Variants in CAPN6 observed in about 807,000 individuals in gnomAD.
CAPN6 encodes the protein calpain 6, also known as calpain-6.
CAPN6 carries 16 observed loss-of-function variants against 46.0 expected under a neutral mutation model. The ratio of observed to expected loss-of-function variants is 0.35; its 90% confidence interval spans 0.24 to 0.53. The LOEUF is 0.53. CAPN6 is among the 20% of genes least tolerant of loss of function. The pLI is 0.94. For synonymous variants in CAPN6, 206 were observed against 172.8 expected (o/e 1.19, Z -1.51); for missense variants, 461 against 498.0 (o/e 0.93, Z 0.71).
chrX:111,263,522 G>A (rs1034622940), intron 2 of CAPN6, among the ~76,000 whole-genome samples: 4 of 111,425 alleles, frequency 3.6e-5, no homozygotes, highest in Non-Finnish European at 5.7e-5. Context: ...TGATGAATAC[G>A]TTAATTTACC....
chrX:111,264,235 A>C (rs774111324), intron 1 of CAPN6, among the ~76,000 whole-genome samples: 4 of 112,156 alleles, frequency 3.6e-5, no homozygotes, highest in African/African-American at 1.3e-4. Flanking sequence ...GGAAAAATCA[A>C]TAATAAAAGT....
intron 5 of CAPN6, 47 bp from the exon 6 acceptor site, chrX:111,251,789 A>G (rs868706448): frequency 1.3e-4 from 136 of 1,017,815 alleles, no homozygotes; most frequent in Non-Finnish European, 1.8e-4. Flanking sequence ...TGGGAGACCC[A>G]ATCCTGACTC....
At chrX:111,257,446 G>T (rs895025829) in intron 2 of CAPN6, among the ~76,000 whole-genome samples, 1 of 112,004 alleles carries the variant, frequency 8.9e-6, no homozygotes, top group Non-Finnish European at 1.9e-5. Flanking sequence ...TATGAAATAC[G>T]GGAAATAAAT....
chrX:111,248,979 T>G lies in CAPN6; in HGVS notation c.1237A>C (p.Met413Leu), dbSNP rs763257826. The stretch of plus-strand genomic sequence containing the variant: ...ATGATGTAATTGTCAGGTCTTCCCA[T>G]TCGGCGGTAAGTGCGCAGGTCCTTC... ...QQKDLRTYRRMGRPDNYIIGF... is the reference protein window; with the variant it reads ...QQKDLRTYRRLGRPDNYIIGF... The change falls in exon 9 of 13, where the codon ATG becomes CTG. Residue 413 changes from methionine to leucine, a missense_variant. Transcript: ENST00000324068. 11 of 1,209,823 alleles carry G rather than the reference T, an allele frequency of 9.1e-6. No homozygotes were observed. In the East Asian group the frequency reaches 3.3e-4, roughly 36 times the overall value.
At chrX:111,265,612 C>G (rs960477112) in intron 1 of CAPN6, among the ~76,000 whole-genome samples, 1 of 112,139 alleles carries the variant, frequency 8.9e-6, no homozygotes, top group African/African-American at 3.2e-5. Flanking sequence ...TTTCTGGAGG[C>G]TGTTACAAAT....
At chrX:111,263,201 C>T (rs1342776284) in intron 2 of CAPN6, among the ~76,000 whole-genome samples, 1 of 111,755 alleles carries the variant, frequency 8.9e-6, no homozygotes, top group Non-Finnish European at 1.9e-5. Flanking sequence ...TTATGTGTAA[C>T]AGTAAAAAAT....
chrX:111,267,900 A>G (rs1053534749), intron 1 of CAPN6, among the ~76,000 whole-genome samples: 9 of 112,271 alleles, frequency 8.0e-5, no homozygotes, highest in African/African-American at 2.6e-4. Flanking sequence ...TTTACCCACA[A>G]TCCACATCCC....
chrX:111,261,018 T>C (rs891501424), intron 2 of CAPN6, among the ~76,000 whole-genome samples: 6 of 112,601 alleles, frequency 5.3e-5, no homozygotes, highest in East Asian at 2.8e-4. Flanking sequence ...TTGGGCTTAA[T>C]AAGATTAAGC....
chrX:111,255,000 A>G (rs986463803), intron 2 of CAPN6, among the ~76,000 whole-genome samples: 6 of 111,642 alleles, frequency 5.4e-5, no homozygotes, highest in South Asian at 3.9e-4. Context: ...AGCAGCATTA[A>G]TAGCAAGTGG....
chrX:111,253,833 A>G (rs1046041782), intron 3 of CAPN6, among the ~76,000 whole-genome samples: 1 of 112,382 alleles, frequency 8.9e-6, no homozygotes, highest in Admixed American at 9.4e-5. Flanking sequence ...GAATTTTTGT[A>G]CTATTAATAA....
intron 6 of CAPN6, 67 bp downstream of exon 6, chrX:111,251,481 TG>T: frequency 1.0e-6 from 1 of 988,533 alleles, no homozygotes; most frequent in Non-Finnish European, 1.4e-6. Context: ...ACTAGCAGTC[TG>T]GAGGGATGGG....
intron 8 of CAPN6, among the ~76,000 whole-genome samples, chrX:111,250,190 G>T (rs986712403): frequency 1.8e-5 from 2 of 111,592 alleles, no homozygotes; most frequent in African/African-American, 6.5e-5. Flanking sequence ...TCCATGAAAA[G>T]AAAAGACGCA....
chrX:111,258,913 A>G (rs1188145120), intron 2 of CAPN6, among the ~76,000 whole-genome samples: 1 of 112,684 alleles, frequency 8.9e-6, no homozygotes, highest in Non-Finnish European at 1.9e-5. Context: ...ACTCTTGAGA[A>G]CATTATGCTA....
At chrX:111,254,611 G>A (rs749984537) in intron 2 of CAPN6, among the ~76,000 whole-genome samples, 2 of 111,685 alleles carry the variant, frequency 1.8e-5, no homozygotes, top group African/African-American at 6.5e-5. Context: ...ATGTTTGGAA[G>A]TGGCAGGAGA....
chrX:111,253,010 T>C lies in CAPN6; in HGVS notation c.504A>G (p.Ala168=). ...AGACTAGTCAATCACCTCCTTACTT[T>C]GCATAAGCTTTTTCCAGCAGAGCAT... is the stretch of plus-strand genomic sequence containing the variant. ...FWNALLEKAY[A]KLLGCYEALD... Residue 168 remains alanine (A), a splice_region_variant and synonymous_variant, in exon 4 of 13, where the codon GCA becomes GCG. Coordinates refer to ENST00000324068, the MANE Select transcript of CAPN6 (RefSeq NM_014289.4). 1.7e-6 allele frequency: 2 copies of C among 1,205,643 alleles called. No homozygotes were observed. Among genetic ancestry groups the C allele is most frequent in the Non-Finnish European group, 2.2e-6 (2 of 890,130 alleles).
intron 8 of CAPN6, among the ~76,000 whole-genome samples, chrX:111,250,091 A>G (rs1242403975): frequency 9.0e-6 from 1 of 111,001 alleles, no homozygotes; most frequent in Non-Finnish European, 1.9e-5. Flanking sequence ...CTTTAGGAAC[A>G]ATTAAGATGG....
Position 111,245,999 on chromosome X carries a change from C to A in CAPN6, c.*578G>T, listed in dbSNP as rs1135705. On this transcript the variant is annotated 3_prime_UTR_variant, in exon 13 of 13. Coordinates refer to ENST00000324068, the MANE Select transcript of CAPN6 (RefSeq NM_014289.4). ...GGGGGTGACTTGGGTTAGGGCAGGA[C>A]TACACTTTCCGGAGGTGATGATGGT... 5,334 of 113,719 alleles carry A rather than the reference C, an allele frequency of 0.047. 191 individuals are homozygous for A. Among genetic ancestry groups the A allele is most frequent in the African/African-American group, 0.11 (3,498 of 30,522 alleles). The allele number at this position is 113,719 out of a possible 1,213,427, so 9.4% of individuals were successfully genotyped here. A position where few individuals can be genotyped will look rare whatever the true frequency, so the allele number is the denominator to read the frequency against.
intron 3 of CAPN6, 42 bp from the exon 4 acceptor site, chrX:111,253,258 C>A: frequency 2.9e-6 from 3 of 1,036,211 alleles, no homozygotes; most frequent in Non-Finnish European, 4.1e-6. Context: ...ATTCACCAGA[C>A]CACATCCAGA....
intron 3 of CAPN6, among the ~76,000 whole-genome samples, chrX:111,253,986 C>T (rs769682331): frequency 8.9e-6 from 1 of 111,739 alleles, no homozygotes; most frequent in African/African-American, 3.2e-5. Context: ...AGTCAATGCA[C>T]GGCAAATGAT....
Sources: allele counts gnomAD v4.1 joint callset (sites outside exome capture counted in the v4.1 genomes callset), GRCh38; gene constraint gnomAD v4.1.1; transcripts MANE v1.5; gene names NCBI Gene and HGNC (gene_info 2026-07-23, HGNC 2026-07-21).